TRRAP: variants seen among roughly 807,000 people sequenced by gnomAD.
The protein encoded by TRRAP is transformation/transcription domain associated protein, also known as transformation/transcription domain-associated protein.
In TRRAP, 41 loss-of-function variants were observed where a neutral mutation model predicts 438.8. That is an observed-to-expected ratio of 0.09 (90% confidence interval 0.07 to 0.12). TRRAP has a LOEUF of 0.12. Ranked by LOEUF, TRRAP falls within the 10% of genes least tolerant of loss-of-function variation. TRRAP has a pLI of 1.00. For synonymous variants in TRRAP, 1,994 were observed against 1,962.9 expected, an observed-to-expected ratio of 1.02 and a Z score of -0.42; for missense variants, 3,122 against 5,055.1, an observed-to-expected ratio of 0.62 and a Z score of 11.60.
chr7:98,934,699 C>T (rs1554413830), intron 27 of TRRAP, among the ~76,000 whole-genome samples: 1 of 152,190 alleles, frequency 6.6e-6, no homozygotes, highest in Non-Finnish European at 1.5e-5. Context: ...CTGAAAGCTT[C>T]CCAGGTGATG....
chr7:98,976,536 G>C lies in TRRAP; in HGVS notation c.8013G>C (p.Gln2671His). The C allele has an allele frequency of 6.2e-7, 1 of 1,613,622 alleles. No homozygotes were observed. The highest frequency in any genetic ancestry group is 8.5e-7 in the Non-Finnish European group (1 of 1,180,038). ...PFLCSGSHQV[Q>H]RDCQPSALNC... is the part of the protein sequence containing the mutation. ...TGTGCAGCGGCAGTCACCAGGTGCA[G>C]CGGGACTGCCAGCCCAGCGCGCTGA... Residue 2671 changes from glutamine (Q) to histidine (H), a missense_variant, in exon 55 of 73, where the codon CAG becomes CAC. Transcript: ENST00000456197. This position sits in a 1 kb window ranked among gnomAD's most constrained non-coding sequence, Gnocchi z 4.6.
At chr7:98,897,678 TTTG>T (rs1453816022) in intron 7 of TRRAP, 60 bp from the exon 8 acceptor site, 13 of 1,545,216 alleles carry the variant, frequency 8.4e-6, no homozygotes, top group Non-Finnish European at 1.0e-5. Flanking sequence ...TTTGTTTTGT[TTTG>T]TTTTTGAATG....
chr7:98,878,566 G>A lies in TRRAP; in HGVS notation c.-133G>A, dbSNP rs1458455812. The A allele has an allele frequency of 2.0e-5, 3 of 151,172 alleles. No individual in the cohort carries two copies. The highest frequency in any genetic ancestry group is 4.4e-5 in the Non-Finnish European group (3 of 67,770). 9.4% of individuals were successfully genotyped at this position (151,172 alleles called of 1,614,324 possible). A position where few individuals can be genotyped will look rare whatever the true frequency, so the allele number is the denominator to read the frequency against. Reference sequence around the variant, plus strand: ...CGGGACTGCGCGCGGCCGAGCGGTTGCGACGAGGGCTCGGCTGGGGGTCGC... The same window carrying A: ...CGGGACTGCGCGCGGCCGAGCGGTTACGACGAGGGCTCGGCTGGGGGTCGC... On this transcript the variant is annotated 5_prime_UTR_variant, in exon 1 of 73. Transcript: ENST00000456197.
Position 98,977,207 on chromosome 7 carries a change from C to G in TRRAP, c.8385+131C>G, listed in dbSNP as rs219842. The G allele has an allele frequency of 0.17, 215,553 of 1,302,232 alleles. 29,442 individuals are homozygous for G. Among genetic ancestry groups the G allele is most frequent in the African/African-American group, 0.7 (47,738 of 67,954 alleles). The allele number at this position is 1,302,232 out of a possible 1,614,324, so 80.7% of individuals were successfully genotyped here. A position where few individuals can be genotyped will look rare whatever the true frequency, so the allele number is the denominator to read the frequency against. On this transcript the variant is annotated intron_variant, in intron 56 of 72. Transcript: ENST00000456197. ...GATGGAGTCTTGCTCTGTCGCCCAGCCTGGAGTGCAGTGGCACAATCTCGG... is the reference window on the plus strand; with the variant it reads ...GATGGAGTCTTGCTCTGTCGCCCAGGCTGGAGTGCAGTGGCACAATCTCGG...
chr7:98,967,455 G>C lies in TRRAP; in HGVS notation c.7299-30G>C, dbSNP rs752050577. The stretch of plus-strand genomic sequence containing the variant: ...TTGCATATGACTTGGGGAGTCCATC[G>C]TCTTGCCTGTCTCTGACTTGGTGTT... On this transcript the variant is annotated intron_variant, in intron 50 of 72. Coordinates refer to ENST00000456197, the MANE Select transcript of TRRAP (RefSeq NM_001375524.1). The C allele has an allele frequency of 3.1e-6, 5 of 1,611,008 alleles. No homozygotes were observed. The East Asian group carries it at 8.9e-5, about 29-fold the overall frequency.
At chr7:98,957,582 C>T (rs943664604) in intron 43 of TRRAP, among the ~76,000 whole-genome samples, 27 of 152,182 alleles carry the variant, frequency 1.8e-4, no homozygotes, top group Non-Finnish European at 4.0e-4. Context: ...CTCAGCCATG[C>T]GGGCCATCCC....
intron 48 of TRRAP, 141 bp downstream of exon 48, chr7:98,964,916 C>G (rs1293604826): frequency 9.0e-7 from 1 of 1,114,768 alleles, no homozygotes; most frequent in East Asian, 2.9e-5. Context: ...TTACCATTTG[C>G]TCTTCAATGT....
Position 98,908,635 on chromosome 7 carries a change from G to T in TRRAP, c.1116-93G>T, listed in dbSNP as rs1796902752. ...ATGTAAGTGTGCCGACCCAGGGGTG[G>T]TGTTCCTGGGGCAGATGGTGATATC... On this transcript the variant is annotated intron_variant, in intron 13 of 72. Coordinates refer to ENST00000456197, the MANE Select transcript of TRRAP (RefSeq NM_001375524.1). The surrounding 1 kb of genome is among the most constrained non-coding windows in gnomAD (Gnocchi z 4.1). 8.8e-7 allele frequency: 1 copy of T among 1,138,468 alleles called. No individual in the cohort carries two copies. The highest frequency in any genetic ancestry group is 2.6e-4 in the Middle Eastern group (1 of 3,896). The allele number at this position is 1,138,468 out of a possible 1,614,324, so 70.5% of individuals were successfully genotyped here. A position where few individuals can be genotyped will look rare whatever the true frequency, so the allele number is the denominator to read the frequency against.
At chr7:98,891,205 T>TATATATA (rs35255192) in intron 4 of TRRAP, among the ~76,000 whole-genome samples, 349 of 72,672 alleles carry the variant, frequency 4.8e-3, no homozygotes, top group Non-Finnish European at 6.3e-3. Context: ...ATATATATAT[T>TATATATA]TTTTTTTTTT....
intron 53 of TRRAP, among the ~76,000 whole-genome samples, chr7:98,975,092 G>A (rs1792594816): frequency 6.6e-6 from 1 of 152,230 alleles, no homozygotes; most frequent in Non-Finnish European, 1.5e-5. Context: ...TGATGGGCTG[G>A]TCAGGGTGAA....
In TRRAP at chr7:98,981,975, C is replaced by T; in HGVS notation, c.8826+15C>T. ...CTCTCCTACAGGTGCGTGCGGTGCC[C>T]CCATGCGAGCACAGGCCTGTGGCCT... On this transcript the variant is annotated intron_variant, in intron 59 of 72. Transcript: ENST00000456197. 6.4e-7 allele frequency: 1 copy of T among 1,554,438 alleles called. No homozygotes were observed. The highest frequency in any genetic ancestry group is 2.3e-5 in the East Asian group (1 of 42,706).
chr7:98,915,199 C>CT (rs1158250079), intron 18 of TRRAP, among the ~76,000 whole-genome samples: 11 of 149,050 alleles, frequency 7.4e-5, no homozygotes, highest in South Asian at 2.1e-4. Flanking sequence ...CTGTAGGTTA[C>CT]TTTTTTTTTT....
intron 63 of TRRAP, among the ~76,000 whole-genome samples, chr7:98,989,557 T>C (rs1475146549): frequency 6.6e-6 from 1 of 152,234 alleles, no homozygotes; most frequent in Non-Finnish European, 1.5e-5. Context: ...CCCTTTCCTA[T>C]TTTGTCCATT....
At chr7:98,915,307 CT>C (rs1209859995) in intron 18 of TRRAP, among the ~76,000 whole-genome samples, 2 of 152,132 alleles carry the variant, frequency 1.3e-5, no homozygotes, top group Admixed American at 6.5e-5. Context: ...ATTCTCTTGC[CT>C]CAGCCTCCCT....
Position 99,005,984 on chromosome 7 carries a change from C to T in TRRAP, c.10753+636C>T, listed in dbSNP as rs1051618939. 4.6e-5 allele frequency among the ~76,000 whole-genome samples: 7 copies of T among 152,162 alleles called. No individual in the cohort carries two copies. The highest frequency in any genetic ancestry group is 7.2e-5 in the African/African-American group (3 of 41,434). ...GTTTCCAGCGCGCCTCTAGCTGCTT[C>T]ACACGCTGCACTCTGGGCCCTCCCT... On this transcript the variant is annotated intron_variant, in intron 69 of 72. Coordinates refer to ENST00000456197, the MANE Select transcript of TRRAP (RefSeq NM_001375524.1). This position sits in a 1 kb window ranked among gnomAD's most constrained non-coding sequence, Gnocchi z 5.1.
In TRRAP at chr7:98,994,685, C is replaced by A; in HGVS notation, c.10146C>A (p.Leu3382=). ...ATGCTAAAATCACCCCCCACACTCTCAATTTTGTGAAGAAGTTGGTGAGCA... is the reference window on the plus strand; with the variant it reads ...ATGCTAAAATCACCCCCCACACTCTAAATTTTGTGAAGAAGTTGGTGAGCA... ...VSDAKITPHT[L]NFVKKLVSTF... Residue 3382 remains leucine, a synonymous_variant, in exon 67 of 73, where the codon CTC becomes CTA. Transcript: ENST00000456197. The surrounding 1 kb of genome is among the most constrained non-coding windows in gnomAD (Gnocchi z 4.8). The A allele has an allele frequency of 3.1e-6, 5 of 1,614,218 alleles. No individual in the cohort carries two copies. Among genetic ancestry groups the A allele is most frequent in the Non-Finnish European group, 4.2e-6 (5 of 1,180,046 alleles).
At chr7:99,001,535 T>TA (rs138590601) in intron 67 of TRRAP, among the ~76,000 whole-genome samples, 18,064 of 151,326 alleles carry the variant, frequency 0.12, 3,323 homozygotes, top group African/African-American at 0.4. Context: ...GCTTTTGATG[T>TA]AAAAAAAAAT....
At chr7:98,995,434 C>T (rs1167838920) in intron 67 of TRRAP, among the ~76,000 whole-genome samples, 2 of 152,022 alleles carry the variant, frequency 1.3e-5, no homozygotes, top group Non-Finnish European at 2.9e-5. Context: ...GGGCCTGCAG[C>T]GACGAGCTAA....
intron 70 of TRRAP, 107 bp downstream of exon 70, chr7:99,008,668 G>T (rs1166400001): frequency 1.7e-6 from 2 of 1,210,728 alleles, no homozygotes; most frequent in Non-Finnish European, 2.3e-6. Flanking sequence ...ATTTGTTGGG[G>T]GCCACCTCTG....
Sources: allele counts gnomAD v4.1 joint callset (sites outside exome capture counted in the v4.1 genomes callset), GRCh38; gene constraint gnomAD v4.1.1; non-coding constraint Gnocchi (gnomAD v3.1); transcripts MANE v1.5; gene names NCBI Gene and HGNC (gene_info 2026-07-23, HGNC 2026-07-21).